Variants in KANSL1 observed in about 807,000 individuals in gnomAD.
KANSL1 encodes the protein KAT8 regulatory NSL complex subunit 1.
Under a neutral mutation model 103.6 loss-of-function variants are expected in KANSL1, and 22 were observed. The ratio of observed to expected loss-of-function variants is 0.21; its 90% confidence interval spans 0.15 to 0.30. The LOEUF (loss-of-function observed/expected upper bound fraction) is 0.30, where lower values mean the gene tolerates loss of function less well. Ranked by LOEUF, KANSL1 falls within the 10% of genes least tolerant of loss-of-function variation. The probability of loss-of-function intolerance (pLI) is 1.00; values close to 1 mark genes in which losing one functional copy is unlikely to be tolerated. For missense variants in KANSL1, 1,337 were observed against 1,399.8 expected (o/e 0.96, Z 0.72); for synonymous variants, 600 against 527.6 (o/e 1.14, Z -1.88).
At chr17:46,181,500 G>A (rs1002063854) in intron 1 of KANSL1, among the ~76,000 whole-genome samples, 9 of 151,884 alleles carry the variant, frequency 5.9e-5, no homozygotes, top group South Asian at 2.1e-4. Context: ...CGCGATCTCC[G>A]CTCACTGCAA....
chr17:46,200,342 G>A (rs112744146), intron 1 of KANSL1, among the ~76,000 whole-genome samples: 107 of 152,324 alleles, frequency 7.0e-4, no homozygotes, highest in African/African-American at 2.5e-3. Flanking sequence ...CTTCAAGGCA[G>A]CTGTGAGCAG....
intron 1 of KANSL1, among the ~76,000 whole-genome samples, chr17:46,180,213 G>A (rs780182941): frequency 6.6e-6 from 1 of 152,104 alleles, no homozygotes; most frequent in Admixed American, 6.6e-5. Context: ...GACAGTAGAG[G>A]GGCCAGGCAC....
chr17:46,128,012 C>T (rs1454916058), intron 2 of KANSL1, among the ~76,000 whole-genome samples: 25 of 152,010 alleles, frequency 1.6e-4, no homozygotes, highest in Admixed American at 1.5e-3. Context: ...AACAAAGTCT[C>T]GCTATATTGC....
intron 2 of KANSL1, among the ~76,000 whole-genome samples, chr17:46,144,443 T>G (rs2044590516): frequency 6.6e-6 from 1 of 152,358 alleles, no homozygotes. Flanking sequence ...TGCCAATTTC[T>G]GGGACTCTCT....
chr17:46,113,540 G>A (rs1243384446), intron 2 of KANSL1, among the ~76,000 whole-genome samples: 2 of 152,130 alleles, frequency 1.3e-5, no homozygotes, highest in African/African-American at 4.8e-5. Context: ...GTAGGTATAA[G>A]TGGGGCAAAC....
rs2046261881 is a variant in KANSL1, at chr17:46,171,116, T to C, written c.1028A>G (p.Gln343Arg). The stretch of plus-strand genomic sequence containing the variant: ...TTCAGCCTTTCGAGTCAGCATCAAC[T>C]GGCTCCGTGGTCTCAAGGATTCCAA... ...PNLESLRPRS[Q>R]LMLTRKAEAA... The change falls in exon 2 of 15, where the codon CAG becomes CGG. Residue 343 changes from glutamine to arginine, a missense_variant. Transcript: ENST00000432791. 5 of 1,614,086 alleles carry C rather than the reference T, an allele frequency of 3.1e-6. No homozygotes were observed. Among genetic ancestry groups the C allele is most frequent in the Non-Finnish European group, 4.2e-6 (5 of 1,180,046 alleles).
In KANSL1 at chr17:46,066,518, A is replaced by G. The variant is rs1015911523; in HGVS notation, c.1848+19T>C. ...TCTGGCTCACTGCTTGACAATGACC[A>G]ACTCTCATCTGTACCGACCTTCTTG... On this transcript the variant is annotated intron_variant, in intron 6 of 14. Coordinates refer to ENST00000432791, the MANE Select transcript of KANSL1 (RefSeq NM_015443.4). 1.9e-6 allele frequency: 3 copies of G among 1,576,964 alleles called. No homozygotes were observed. Among genetic ancestry groups the G allele is most frequent in the Non-Finnish European group, 2.6e-6 (3 of 1,156,466 alleles).
intron 1 of KANSL1, among the ~76,000 whole-genome samples, chr17:46,213,899 C>G (rs2048254672): frequency 6.6e-6 from 1 of 151,542 alleles, no homozygotes; most frequent in Non-Finnish European, 1.5e-5. Flanking sequence ...GCCTGGGCAA[C>G]AGAGTGAGAC....
chr17:46,218,884 G>C (rs1335771946), intron 1 of KANSL1, among the ~76,000 whole-genome samples: 14 of 152,196 alleles, frequency 9.2e-5, no homozygotes, highest in African/African-American at 3.4e-4. Flanking sequence ...GTCCTCTGAA[G>C]TAAGTGTTAT....
chr17:46,147,572 T>TAAAAAAAAAA (rs10717937), intron 2 of KANSL1, among the ~76,000 whole-genome samples: 1 of 103,066 alleles, frequency 9.7e-6, no homozygotes, highest in African/African-American at 4.2e-5. Flanking sequence ...TGAGACTCTT[T>TAAAAAAAAAA]AAAAAAAAAA....
intron 2 of KANSL1, among the ~76,000 whole-genome samples, chr17:46,169,866 T>C (rs1348258935): frequency 6.6e-6 from 1 of 152,162 alleles, no homozygotes; most frequent in Non-Finnish European, 1.5e-5. Flanking sequence ...TAAAATTTTC[T>C]CAAACCAACA....
chr17:46,150,055 C>A (rs1349399835), intron 2 of KANSL1, among the ~76,000 whole-genome samples: 1 of 126,560 alleles, frequency 7.9e-6, no homozygotes, highest in African/African-American at 2.7e-5. Context: ...ATAAAAGTCA[C>A]TTTCCTTACC....
chr17:46,185,999 A>G (rs1366611702), intron 1 of KANSL1, among the ~76,000 whole-genome samples: 7 of 152,164 alleles, frequency 4.6e-5, no homozygotes, highest in Non-Finnish European at 1.0e-4. Flanking sequence ...ACTTTTTATC[A>G]TATCTCTTTC....
chr17:46,078,420 G>A (rs762804390), intron 4 of KANSL1, among the ~76,000 whole-genome samples: 1 of 152,206 alleles, frequency 6.6e-6, no homozygotes, highest in South Asian at 2.1e-4. Flanking sequence ...GGTCAGGGGT[G>A]AGCACAAAGA....
intron 6 of KANSL1, among the ~76,000 whole-genome samples, chr17:46,063,031 C>G (rs910880607): frequency 1.3e-5 from 2 of 152,168 alleles, no homozygotes; most frequent in African/African-American, 4.8e-5. Context: ...GCCTGAGCAA[C>G]AGAGCAAGAC....
At chr17:46,205,567 G>C (rs2047938068) in intron 1 of KANSL1, among the ~76,000 whole-genome samples, 1 of 151,456 alleles carries the variant, frequency 6.6e-6, no homozygotes, top group African/African-American at 2.4e-5. Context: ...TGTAATCCCA[G>C]CTACTCAGGA....
chr17:46,186,522 A>G (rs2047043293), intron 1 of KANSL1, among the ~76,000 whole-genome samples: 1 of 152,234 alleles, frequency 6.6e-6, no homozygotes, highest in Non-Finnish European at 1.5e-5. Flanking sequence ...CATTTTTCCA[A>G]TGCCAATAAA....
intron 4 of KANSL1, 96 bp downstream of exon 4, chr17:46,082,345 G>C: frequency 2.8e-6 from 2 of 702,182 alleles, no homozygotes; most frequent in Non-Finnish European, 4.9e-6. Context: ...CCCTTCTTCA[G>C]CCAATGCAAG....
chr17:46,171,907 C>T lies in KANSL1; in HGVS notation c.237G>A (p.Val79=). ...KEDLGKLQPL[V]ASYLCSDVTS... ...TTACATCAGAGCAGAGATAAGATGC[C>T]ACCAGTGGTTGCAGCTTTCCCAAGT... Residue 79 remains valine (V), a synonymous_variant, in exon 2 of 15, where the codon GTG becomes GTA. Coordinates refer to ENST00000432791, the MANE Select transcript of KANSL1 (RefSeq NM_015443.4). 1 of 1,614,212 alleles carries T rather than the reference C, an allele frequency of 6.2e-7. No individual in the cohort carries two copies. The highest frequency in any genetic ancestry group is 8.5e-7 in the Non-Finnish European group (1 of 1,180,016).
Sources: gnomAD v4.1 joint callset for allele counts (sites outside exome capture counted in the v4.1 genomes callset) on GRCh38, gnomAD v4.1.1 for gene constraint, MANE v1.5 for transcripts, NCBI Gene and HGNC (gene_info 2026-07-23, HGNC 2026-07-21) for gene names.